Variants in OLAH observed in about 807,000 individuals in gnomAD.
OLAH encodes the protein S-acyl fatty acid synthase thioesterase, medium chain.
Under a neutral mutation model 27.8 loss-of-function variants are expected in OLAH, and 33 were observed. The ratio of observed to expected loss-of-function variants is 1.19; its 90% CI spans 0.90 to 1.59. OLAH has a LOEUF of 1.59. OLAH is among the 40% of genes most tolerant of loss of function. OLAH has a pLI of 0.00. For synonymous variants in OLAH, 120 were observed against 102.9 expected, an observed-to-expected ratio of 1.17 and a Z score of -1.01; for missense variants, 359 against 310.8, an observed-to-expected ratio of 1.16 and a Z score of -1.17.
At chr10:15,068,815 T>G (rs544112248) in intron 6 of OLAH, among the ~76,000 whole-genome samples, 1 of 152,330 alleles carries the variant, frequency 6.6e-6, no homozygotes, top group African/African-American at 2.4e-5. Flanking sequence ...GTGTGGGGAA[T>G]TGAGTTAGTC....
intron 3 of OLAH, among the ~76,000 whole-genome samples, chr10:15,057,712 G>C (rs78206277): frequency 1.5e-3 from 228 of 152,106 alleles, no homozygotes; most frequent in African/African-American, 4.8e-3. Context: ...TCCCATTGGT[G>C]TACTTGCCTC....
chr10:15,056,818 T>C (rs1218111992), intron 3 of OLAH: 9 of 1,479,634 alleles, frequency 6.1e-6, no homozygotes, highest in Non-Finnish European at 8.1e-6. Flanking sequence ...TTTTATTTTT[T>C]TGTAGAGACA....
chr10:15,062,647 A>G (rs780685883), intron 4 of OLAH, among the ~76,000 whole-genome samples: 2 of 151,662 alleles, frequency 1.3e-5, no homozygotes, highest in Admixed American at 1.3e-4. Flanking sequence ...TCCTGTAAGT[A>G]TACATTGCTT....
At chr10:15,056,749 G>C in intron 3 of OLAH, 5 of 1,271,626 alleles carry the variant, frequency 3.9e-6, no homozygotes, top group Non-Finnish European at 3.0e-6. Flanking sequence ...TCCCACCTCA[G>C]CCTCCTGAGT....
chr10:15,059,278 C>T (rs1844316025), intron 3 of OLAH, among the ~76,000 whole-genome samples: 1 of 148,530 alleles, frequency 6.7e-6, no homozygotes, highest in Admixed American at 6.8e-5. Context: ...CCTCAACCTC[C>T]CAGGCTCAAG....
intron 5 of OLAH, among the ~76,000 whole-genome samples, chr10:15,065,284 C>T (rs1361772317): frequency 6.6e-6 from 1 of 152,210 alleles, no homozygotes; most frequent in East Asian, 1.9e-4. Flanking sequence ...GCTGTTGCTC[C>T]TGCTGCTCTT....
At chr10:15,061,983 G>C (rs1844376961) in intron 4 of OLAH, 121 bp downstream of exon 4, 1 of 862,380 alleles carries the variant, frequency 1.2e-6, no homozygotes, top group East Asian at 2.7e-5. Context: ...AGCATGTTAG[G>C]TAATTATGGC....
intron 4 of OLAH, 131 bp downstream of exon 4, chr10:15,061,993 C>A (rs999079470): frequency 3.8e-6 from 3 of 799,104 alleles, no homozygotes; most frequent in South Asian, 5.9e-5. Context: ...GTAATTATGG[C>A]CATCACAACT....
At chr10:15,042,070 C>G (rs1257772097), upstream of OLAH, among the ~76,000 whole-genome samples, 1 of 151,978 alleles carries the variant, frequency 6.6e-6, no homozygotes, top group Non-Finnish European at 1.5e-5. Flanking sequence ...TTCAGTGCAT[C>G]GGTAATTGAG....
chr10:15,037,987 A>C (rs1266531098), intron 1 of OLAH, among the ~76,000 whole-genome samples: 1 of 152,206 alleles, frequency 6.6e-6, no homozygotes, highest in African/African-American at 2.4e-5. Context: ...GTGCTTGCGA[A>C]TCTTGGGCTT....
intron 1 of OLAH, among the ~76,000 whole-genome samples, chr10:15,032,613 T>G (rs1843775665): frequency 7.8e-6 from 1 of 127,722 alleles, no homozygotes; most frequent in African/African-American, 2.8e-5. Context: ...AGAGTGAGAC[T>G]CAGTTTCAAA....
chr10:15,055,851 CTTT>C (rs35808430), intron 3 of OLAH, among the ~76,000 whole-genome samples: 2 of 142,204 alleles, frequency 1.4e-5, no homozygotes. Flanking sequence ...ACTTTATATA[CTTT>C]TTTTTTTTTT....
intron 6 of OLAH, among the ~76,000 whole-genome samples, chr10:15,066,677 G>T (rs1271414456): frequency 6.6e-6 from 1 of 150,700 alleles, no homozygotes; most frequent in Non-Finnish European, 1.5e-5. Context: ...GTCTCACTTT[G>T]TCGCCCAGGC....
chr10:15,064,264 C>A, intron 4 of OLAH, 139 bp from the exon 5 acceptor site: 1 of 610,302 alleles, frequency 1.6e-6, no homozygotes, highest in South Asian at 2.1e-5. Flanking sequence ...AAAAGATAGA[C>A]TTCTTAATCA....
In OLAH at chr10:15,057,419, A is replaced by G. The variant is rs865890838; in HGVS notation, c.164-4305A>G. Among the ~76,000 whole-genome samples, 796 of 107,698 alleles carry G rather than the reference A, an allele frequency of 7.4e-3. 6 individuals carry two copies. Among genetic ancestry groups the G allele is most frequent in the African/African-American group, 0.027 (732 of 27,244 alleles). 70.7% of individuals were successfully genotyped at this position (107,698 alleles called of 152,430 possible). ...GCTTTTTTTTTTTTTTTTTTTTGAG[A>G]TGGAGTCTCGCTCTGGAGTGCAATG... On this transcript the variant is annotated intron_variant, in intron 3 of 7. Transcript: ENST00000378228.
chr10:15,050,196 T>C (rs1844107267), intron 3 of OLAH, among the ~76,000 whole-genome samples: 1 of 152,214 alleles, frequency 6.6e-6, no homozygotes, highest in Non-Finnish European at 1.5e-5. Flanking sequence ...GGCAGGAGGA[T>C]TGCTTGAGGC....
At position 15,047,188 on chromosome 10, in the gene OLAH, C is replaced by A; in HGVS notation, c.-101C>A. On this transcript the variant is annotated 5_prime_UTR_variant, in exon 2 of 8. Coordinates refer to ENST00000378228, the MANE Select transcript of OLAH (RefSeq NM_001039702.3). Reference sequence around the variant, plus strand: ...AGAAATCTACTCACTCTTCTGTGTGCATAAGGCCGAGCAGAGGTTCTTCGT... The same window carrying A: ...AGAAATCTACTCACTCTTCTGTGTGAATAAGGCCGAGCAGAGGTTCTTCGT... 8.6e-7 allele frequency: 1 copy of A among 1,158,522 alleles called. No individual in the cohort carries two copies. The allele number at this position is 1,158,522 out of a possible 1,614,324, so 71.8% of individuals were successfully genotyped here.
chr10:15,063,048 T>C (rs1844399575), intron 4 of OLAH, among the ~76,000 whole-genome samples: 1 of 152,170 alleles, frequency 6.6e-6, no homozygotes, highest in Non-Finnish European at 1.5e-5. Context: ...CCAATGAACA[T>C]TCTTATAGAA....
At chr10:15,071,550 G>T (rs757145423) in intron 6 of OLAH, 177 of 985,434 alleles carry the variant, frequency 1.8e-4, no homozygotes, top group Non-Finnish European at 2.0e-4. Flanking sequence ...TGAACTGTGT[G>T]CCCCAGTGCC....
Sources: gnomAD v4.1 joint callset for allele counts (sites outside exome capture counted in the v4.1 genomes callset) on GRCh38, gnomAD v4.1.1 for gene constraint, MANE v1.5 for transcripts, NCBI Gene and HGNC (gene_info 2026-07-23, HGNC 2026-07-21) for gene names.